The following USP49 variants were observed in gnomAD, a reference collection of about 807,000 sequenced individuals.
USP49 encodes the protein ubiquitin carboxyl-terminal hydrolase 49.
In USP49, 24 loss-of-function variants were observed where a neutral mutation model predicts 58.6. That is an observed-to-expected ratio of 0.41 (90% CI 0.30 to 0.58). The LOEUF (loss-of-function observed/expected upper bound fraction) is 0.58, where lower values mean the gene tolerates loss of function less well. Ranked by LOEUF, USP49 falls within the 20% of genes least tolerant of loss-of-function variation. The pLI is 0.30. For missense variants in USP49, 703 were observed against 866.1 expected, an observed-to-expected ratio of 0.81 and a Z score of 2.36; for synonymous variants, 408 against 365.1, an observed-to-expected ratio of 1.12 and a Z score of -1.34.
At chr6:41,877,625 T>C (rs1222263721) in intron 2 of USP49, among the ~76,000 whole-genome samples, 3 of 151,550 alleles carry the variant, frequency 2.0e-5, no homozygotes, top group Non-Finnish European at 2.9e-5. Flanking sequence ...GGTAGTGGCA[T>C]GATCTTAGCT....
At chr6:41,863,976 C>G (rs1774267775) in intron 3 of USP49, among the ~76,000 whole-genome samples, 4 of 150,668 alleles carry the variant, frequency 2.7e-5, no homozygotes, top group African/African-American at 9.8e-5. Context: ...ACTGTGTCTC[C>G]CAGGCTGATC....
In USP49 at chr6:41,816,492, T is replaced by C. The variant is rs1256681260; in HGVS notation, c.-28-9481A>G. Among the ~76,000 whole-genome samples the C allele has an allele frequency of 2.0e-5, 3 of 152,160 alleles. No homozygotes were observed. In the East Asian group the frequency reaches 5.8e-4, roughly 29 times the overall value. On this transcript the variant is annotated intron_variant, in intron 3 of 7. Coordinates refer to ENST00000682992, the MANE Select transcript of USP49 (RefSeq NM_001286554.2). ...TCTCTGTTTTCAGGTCTCCCTTCCT[T>C]GAAATTTAGGGTTTCCTTAAGGCTC...
At position 41,805,907 on chromosome 6, in the gene USP49, A is replaced by G; in HGVS notation, c.1077T>C (p.Arg359=). Residue 359 remains arginine, a synonymous_variant, in exon 4 of 8, where the codon CGT becomes CGC. Coordinates refer to ENST00000682992, the MANE Select transcript of USP49 (RefSeq NM_001286554.2). The stretch of plus-strand genomic sequence containing the variant: ...TGACTCGGAAGAGGGTGTGCAGTTC[A>G]CGGCAGAGGGAAATGTGCTTTGAAC... ...EPSSKHISLC[R]ELHTLFRVMW... 1 of 1,613,978 alleles carries G rather than the reference A, an allele frequency of 6.2e-7. No homozygotes were observed. Among genetic ancestry groups the G allele is most frequent in the Non-Finnish European group, 8.5e-7 (1 of 1,180,016 alleles).
chr6:41,871,712 A>AT (rs1260679304), intron 2 of USP49, 75 bp from the exon 3 acceptor site: 5 of 152,176 alleles, frequency 3.3e-5, no homozygotes, highest in Admixed American at 2.6e-4. Flanking sequence ...ATTGTAATAC[A>AT]AATTCAAAAA....
rs796541205 is a variant in USP49 at position 41,796,241 on chromosome 6, C to G, written c.*292G>C. On this transcript the variant is annotated 3_prime_UTR_variant, in exon 8 of 8. Transcript: ENST00000682992. Reference sequence around the variant, plus strand: ...TCCTGTGTGGATATGATTGATTTACCCCCCCGCCCCGCTTTCCTCCACCCA... The same window carrying G: ...TCCTGTGTGGATATGATTGATTTACGCCCCCGCCCCGCTTTCCTCCACCCA... The G allele has an allele frequency of 3.8e-5, 11 of 287,108 alleles. No homozygotes were observed. Among genetic ancestry groups the G allele is most frequent in the African/African-American group, 2.1e-4 (10 of 46,964 alleles). The allele number at this position is 287,108 out of a possible 1,614,324, so 17.8% of individuals were successfully genotyped here.
intron 2 of USP49, chr6:41,886,511 T>G (rs1235316231): frequency 6.6e-6 from 1 of 152,238 alleles, no homozygotes; most frequent in Non-Finnish European, 1.5e-5. Flanking sequence ...TAACAGGGAC[T>G]TTGACCTTAT....
intron 3 of USP49, among the ~76,000 whole-genome samples, chr6:41,819,971 A>G (rs1291487723): frequency 6.6e-6 from 1 of 152,154 alleles, no homozygotes; most frequent in African/African-American, 2.4e-5. Context: ...AGTCAGTCAT[A>G]TGGGTTCTTT....
chr6:41,875,830 C>G (rs1199606140), intron 2 of USP49, among the ~76,000 whole-genome samples: 1 of 152,162 alleles, frequency 6.6e-6, no homozygotes, highest in Non-Finnish European at 1.5e-5. Flanking sequence ...CTCCCGGGTT[C>G]AAGTGATTCT....
At position 41,800,927 on chromosome 6, in the gene USP49, T is replaced by C. The variant is rs1046429665; in HGVS notation, c.1562-989A>G. Among the ~76,000 whole-genome samples the C allele has an allele frequency of 2.0e-5, 3 of 152,266 alleles. No individual in the cohort carries two copies. The East Asian group carries it at 5.8e-4, about 29-fold the overall frequency. ...ATTGCTGGACATGCAAGGACAAAGC[T>C]GACAGGTAGGCTAAATTCATCTACT... On this transcript the variant is annotated intron_variant, in intron 5 of 7. Transcript: ENST00000682992.
chr6:41,818,325 C>G (rs897512857), intron 3 of USP49, among the ~76,000 whole-genome samples: 1 of 152,166 alleles, frequency 6.6e-6, no homozygotes, highest in South Asian at 2.1e-4. Flanking sequence ...ATTCTGAATA[C>G]ACTGGGAGAG....
At chr6:41,838,546 G>A (rs1359770382) in intron 3 of USP49, among the ~76,000 whole-genome samples, 1 of 152,198 alleles carries the variant, frequency 6.6e-6, no homozygotes, top group Non-Finnish European at 1.5e-5. Context: ...CAGCTCTAAG[G>A]AAGCCCTATC....
At chr6:41,868,559 C>G (rs1774361138) in intron 3 of USP49, 1 of 152,134 alleles carries the variant, frequency 6.6e-6, no homozygotes, top group African/African-American at 2.4e-5. Context: ...GAACTCCTGA[C>G]CTTGTGATCA....
chr6:41,798,698 C>A (rs973134722), intron 7 of USP49, 26 bp downstream of exon 7: 1 of 1,613,708 alleles, frequency 6.2e-7, no homozygotes, highest in Non-Finnish European at 8.5e-7. Flanking sequence ...CCGTGTCCCC[C>A]ACCCCACAGA....
chr6:41,835,655 A>T (rs375432351), intron 3 of USP49, among the ~76,000 whole-genome samples: 1 of 151,520 alleles, frequency 6.6e-6, no homozygotes, highest in Non-Finnish European at 1.5e-5. Flanking sequence ...CGGAGGTTGC[A>T]GTGAGCCAAG....
At chr6:41,894,774 C>G (rs1774868312) in intron 1 of USP49, among the ~76,000 whole-genome samples, 1 of 152,052 alleles carries the variant, frequency 6.6e-6, no homozygotes, top group Non-Finnish European at 1.5e-5. Flanking sequence ...ATTCCCTGCC[C>G]GGCTTCCTTA....
intron 3 of USP49, among the ~76,000 whole-genome samples, chr6:41,816,165 G>C (rs530792619): frequency 4.6e-5 from 7 of 152,262 alleles, no homozygotes; most frequent in African/African-American, 1.2e-4. Flanking sequence ...AAGAGAGAGA[G>C]ACACACAGAC....
rs1263021771 is a variant in USP49, at chr6:41,803,595, C to T, written c.1561+211G>A. Reference sequence around the variant, plus strand: ...CTGGGATTACAGGCGTGAGCCACAACGCCCAGCCTTGTTTTGTTTTTTAAT... The same window carrying T: ...CTGGGATTACAGGCGTGAGCCACAATGCCCAGCCTTGTTTTGTTTTTTAAT... On this transcript the variant is annotated intron_variant, in intron 5 of 7. Coordinates refer to ENST00000682992, the MANE Select transcript of USP49 (RefSeq NM_001286554.2). This position sits in a 1 kb window ranked among gnomAD's most constrained non-coding sequence, Gnocchi z 4.1. 2.6e-5 allele frequency among the ~76,000 whole-genome samples: 4 copies of T among 152,240 alleles called. No individual in the cohort carries two copies. The highest frequency in any genetic ancestry group is 2.1e-4 in the South Asian group (1 of 4,838).
intron 3 of USP49, among the ~76,000 whole-genome samples, chr6:41,857,538 T>C (rs576512179): frequency 1.3e-5 from 2 of 152,210 alleles, no homozygotes; most frequent in East Asian, 3.9e-4. Context: ...CCCAGCTCCT[T>C]GGGAGGCTGA....
intron 3 of USP49, among the ~76,000 whole-genome samples, chr6:41,822,363 G>A (rs1361972153): frequency 6.6e-6 from 1 of 152,152 alleles, no homozygotes; most frequent in East Asian, 1.9e-4. Flanking sequence ...AATCTGATTG[G>A]AATTTACAAA....
Sources: allele counts gnomAD v4.1 joint callset (sites outside exome capture counted in the v4.1 genomes callset), GRCh38; gene constraint gnomAD v4.1.1; non-coding constraint Gnocchi (gnomAD v3.1); transcripts MANE v1.5; gene names NCBI Gene and HGNC (gene_info 2026-07-23, HGNC 2026-07-21).